The following JAK2 variants were observed in gnomAD, a reference collection of about 807,000 sequenced individuals.
JAK2 encodes the protein tyrosine-protein kinase JAK2.
In JAK2, 86 loss-of-function variants were observed where a neutral mutation model predicts 139.3. The observed-to-expected ratio is 0.62, with a 90% CI of 0.52 to 0.74. The LOEUF is 0.74. Among genes scored for constraint, JAK2 ranks in the 30% least tolerant of loss-of-function variants. JAK2 has a pLI of 0.00. For synonymous variants in JAK2, 490 were observed against 437.7 expected (o/e 1.12, Z -1.49); for missense variants, 1,421 against 1,360.3 (o/e 1.04, Z -0.70).
chr9:5,004,276 C>T (rs1412444329), intron 2 of JAK2, among the ~76,000 whole-genome samples: 2 of 152,142 alleles, frequency 1.3e-5, no homozygotes, highest in Non-Finnish European at 2.9e-5. Flanking sequence ...ACCAACGTCT[C>T]CCATTCCTCC....
intron 4 of JAK2, among the ~76,000 whole-genome samples, chr9:5,040,015 AACAAT>A (rs1274385372): frequency 6.6e-6 from 1 of 152,228 alleles, no homozygotes; most frequent in African/African-American, 2.4e-5. Flanking sequence ...ACAATCTTGA[AACAAT>A]ACAAAGTTTG....
chr9:5,114,463 C>T (rs573282612), intron 22 of JAK2: 13 of 469,726 alleles, frequency 2.8e-5, no homozygotes, highest in African/African-American at 9.9e-5. Flanking sequence ...CTGCAGTCCA[C>T]GACCAAGATC....
chr9:5,108,590 C>T lies in JAK2; in HGVS notation c.3060-14414C>T, dbSNP rs966172372. Reference sequence around the variant, plus strand: ...GACTCCCAAAAGCCCATGTAGAAGCCCCTATTGCCGGCTCAACAGTACTTG... The same window carrying T: ...GACTCCCAAAAGCCCATGTAGAAGCTCCTATTGCCGGCTCAACAGTACTTG... On this transcript the variant is annotated intron_variant, in intron 22 of 24. Transcript: ENST00000381652. 1.3e-5 allele frequency: 2 copies of T among 152,044 alleles called. 1 individual carries two copies. Among genetic ancestry groups the T allele is most frequent in the South Asian group, 4.2e-4 (2 of 4,808 alleles). The allele number at this position is 152,044 out of a possible 1,614,324, so 9.4% of individuals were successfully genotyped here.
intron 22 of JAK2, among the ~76,000 whole-genome samples, chr9:5,096,215 C>A (rs1433524843): frequency 6.6e-6 from 1 of 152,158 alleles, no homozygotes; most frequent in Non-Finnish European, 1.5e-5. Flanking sequence ...CCACTTATTT[C>A]TTCTACCTTC....
chr9:5,052,490 G>T (rs1434549268), intron 6 of JAK2, among the ~76,000 whole-genome samples: 2 of 151,788 alleles, frequency 1.3e-5, no homozygotes, highest in African/African-American at 4.8e-5. Flanking sequence ...AGAGTTTATT[G>T]AGATAATTTA....
chr9:5,102,780 T>C (rs945328051), intron 22 of JAK2, among the ~76,000 whole-genome samples: 1 of 152,186 alleles, frequency 6.6e-6, no homozygotes, highest in Non-Finnish European at 1.5e-5. Flanking sequence ...CAGAATTTCA[T>C]ATCCAGCCAC....
rs116610130 is a variant in JAK2, at chr9:5,060,824, C to T, written c.1057-4059C>T. Among the ~76,000 whole-genome samples, 991 of 152,308 alleles carry T rather than the reference C, an allele frequency of 6.5e-3. 7 individuals carry two copies. The highest frequency in any genetic ancestry group is 0.022 in the African/African-American group (911 of 41,546). ...ATAAGTTTTTCTATTTACCCAGCTC[C>T]ATCAGATGAATCACTATCTATGGCA... On this transcript the variant is annotated intron_variant, in intron 8 of 24. Transcript: ENST00000381652.
intron 4 of JAK2, among the ~76,000 whole-genome samples, chr9:5,033,080 C>T (rs1439223277): frequency 4.6e-5 from 7 of 152,032 alleles, no homozygotes; most frequent in African/African-American, 1.4e-4. Context: ...AACCAAGGCA[C>T]GAGAACTACG....
At chr9:4,998,454 A>C (rs1367339658) in intron 2 of JAK2, among the ~76,000 whole-genome samples, 1 of 152,054 alleles carries the variant, frequency 6.6e-6, no homozygotes, top group African/African-American at 2.4e-5. Flanking sequence ...ACGGGGTTTC[A>C]CCATGTTGGT....
chr9:5,098,718 G>C (rs1252799897), intron 22 of JAK2: 3 of 148,938 alleles, frequency 2.0e-5, no homozygotes, highest in Non-Finnish European at 3.0e-5. Flanking sequence ...TTTTGAGACA[G>C]AGTCTCGCTC....
chr9:5,091,801 A>G (rs180730791), intron 22 of JAK2, among the ~76,000 whole-genome samples: 221 of 152,262 alleles, frequency 1.5e-3, no homozygotes, highest in African/African-American at 5.2e-3. Flanking sequence ...ATAAAAACCT[A>G]GTATACTGGA....
At chr9:5,084,755 C>A (rs1415330129) in intron 19 of JAK2, among the ~76,000 whole-genome samples, 3 of 152,108 alleles carry the variant, frequency 2.0e-5, no homozygotes, top group Admixed American at 2.0e-4. Context: ...AACAGTACCA[C>A]ATATAACCAT....
At chr9:5,073,139 A>T (rs999366100) in intron 13 of JAK2, among the ~76,000 whole-genome samples, 10 of 152,184 alleles carry the variant, frequency 6.6e-5, no homozygotes, top group Non-Finnish European at 1.3e-4. Context: ...TTAGAAGATG[A>T]TGTGAAAAGT....
At chr9:5,112,198 G>A (rs1822645739) in intron 22 of JAK2, 2 of 270,420 alleles carry the variant, frequency 7.4e-6, no homozygotes, top group Admixed American at 4.7e-5. Flanking sequence ...GGGCTTCGCC[G>A]GCCCCATGCT....
Position 5,050,844 on chromosome 9 carries a change from T to G in JAK2, c.614+13T>G. On this transcript the variant is annotated intron_variant, in intron 6 of 24. Transcript: ENST00000381652. ...ATAACTCTATCAGGTAATTTTCTTT[T>G]GCAAATCCTTACACATAAGTGTGAG... 1 of 1,606,964 alleles carries G rather than the reference T, an allele frequency of 6.2e-7. No individual in the cohort carries two copies. Among genetic ancestry groups the G allele is most frequent in the Non-Finnish European group, 8.5e-7 (1 of 1,174,004 alleles).
chr9:4,991,132 C>T (rs1204307417), intron 2 of JAK2, among the ~76,000 whole-genome samples: 1 of 152,056 alleles, frequency 6.6e-6, no homozygotes, highest in Admixed American at 6.6e-5. Flanking sequence ...AGGAGAAATT[C>T]TTGGTCGATA....
chr9:5,110,155 C>G (rs1205918678), intron 22 of JAK2: 2 of 152,204 alleles, frequency 1.3e-5, no homozygotes, highest in Non-Finnish European at 2.9e-5. Flanking sequence ...GGCCTCCATC[C>G]CTGACTTCCA....
intron 4 of JAK2, among the ~76,000 whole-genome samples, chr9:5,039,508 G>A (rs1365960250): frequency 6.6e-6 from 1 of 152,042 alleles, no homozygotes; most frequent in Non-Finnish European, 1.5e-5. Context: ...GTATGTGTGG[G>A]AGGTTCTGGA....
rs770665789 is a variant in JAK2, at chr9:5,054,919, T to A, written c.936+35T>A. The stretch of plus-strand genomic sequence containing the variant: ...AATGATATGTTCTTGTTCTTTGTTA[T>A]TTTAAGTACAATGGAAATAAAAACA... On this transcript the variant is annotated intron_variant, in intron 7 of 24. Coordinates refer to ENST00000381652, the MANE Select transcript of JAK2 (RefSeq NM_004972.4). The surrounding 1 kb of genome is among the most constrained non-coding windows in gnomAD (Gnocchi z 4.9). The A allele has an allele frequency of 2.1e-6, 3 of 1,417,140 alleles. No homozygotes were observed. In the East Asian group the frequency reaches 7.0e-5, roughly 33 times the overall value. The allele number at this position is 1,417,140 out of a possible 1,614,324, so 87.8% of individuals were successfully genotyped here.
Sources: gnomAD v4.1 joint callset for allele counts (sites outside exome capture counted in the v4.1 genomes callset) on GRCh38, gnomAD v4.1.1 for gene constraint, Gnocchi (gnomAD v3.1) non-coding constraint, MANE v1.5 for transcripts, NCBI Gene and HGNC (gene_info 2026-07-23, HGNC 2026-07-21) for gene names.